Variants in GABRA2 observed in about 807,000 individuals in gnomAD.
GABRA2 encodes gamma-aminobutyric acid type A receptor subunit alpha2, also known as gamma-aminobutyric acid receptor subunit alpha-2.
A neutral mutation model predicts 48.7 loss-of-function variants in GABRA2; 16 were observed. The ratio of observed to expected loss-of-function variants is 0.33; its 90% CI spans 0.22 to 0.50. The LOEUF is 0.50. GABRA2 is among the 20% of genes least tolerant of loss of function. GABRA2 has a pLI of 0.98. For missense variants in GABRA2, 275 were observed against 535.6 expected (o/e 0.51, Z 4.80); for synonymous variants, 185 against 184.5 (o/e 1.00, Z -0.02).
At chr4:46,316,698 C>A (rs542329652) in intron 4 of GABRA2, among the ~76,000 whole-genome samples, 1 of 151,920 alleles carries the variant, frequency 6.6e-6, no homozygotes, top group East Asian at 1.9e-4. Context: ...ATGGTGCAAT[C>A]ACGAGGATTT....
chr4:46,328,350 T>C (rs2109790047), intron 4 of GABRA2, among the ~76,000 whole-genome samples: 1 of 151,824 alleles, frequency 6.6e-6, no homozygotes, highest in East Asian at 1.9e-4. Context: ...TAATTCTTTT[T>C]GCTATGCTGC....
At chr4:46,344,557 A>T (rs1733829749) in intron 3 of GABRA2, among the ~76,000 whole-genome samples, 1 of 151,942 alleles carries the variant, frequency 6.6e-6, no homozygotes, top group South Asian at 2.1e-4. Context: ...GGCAGAAGAT[A>T]GTTGAACATA....
rs1458325176 is a variant in GABRA2, at chr4:46,246,812, CAAAT to C, written c.*3492_*3495del. ...GGCATCAGGCATAGAATACATTAAA[CAAAT>C]TATTAATGGATGCCAAAGAACCATG... On this transcript the variant is annotated 3_prime_UTR_variant, in exon 10 of 10. Coordinates refer to ENST00000381620, the MANE Select transcript of GABRA2 (RefSeq NM_000807.4). 1.3e-5 allele frequency among the ~76,000 whole-genome samples: 2 copies of C among 151,078 alleles called. No homozygotes were observed. Among genetic ancestry groups the C allele is most frequent in the East Asian group, 3.9e-4 (2 of 5,112 alleles).
intron 4 of GABRA2, among the ~76,000 whole-genome samples, chr4:46,328,637 T>TTA (rs1221210850): frequency 1.3e-5 from 2 of 152,068 alleles, no homozygotes; most frequent in African/African-American, 2.4e-5. Context: ...ATTCTTTTTT[T>TTA]TATATATATA....
intron 8 of GABRA2, among the ~76,000 whole-genome samples, chr4:46,291,134 G>C (rs529012713): frequency 6.6e-6 from 1 of 152,178 alleles, no homozygotes; most frequent in Admixed American, 6.5e-5. Context: ...TCGATTTTTT[G>C]GAGGAGTTTG....
chr4:46,350,658 T>C (rs1371517927), intron 3 of GABRA2, among the ~76,000 whole-genome samples: 1 of 151,890 alleles, frequency 6.6e-6, no homozygotes, highest in Non-Finnish European at 1.5e-5. Flanking sequence ...GAGAGCTACA[T>C]GAAGACACTG....
intron 8 of GABRA2, among the ~76,000 whole-genome samples, chr4:46,276,741 C>T (rs913662642): frequency 1.3e-5 from 2 of 151,948 alleles, no homozygotes; most frequent in Non-Finnish European, 2.9e-5. Context: ...GATTTTAACA[C>T]CTGTGTGTCT....
chr4:46,295,354 A>G (rs1431385396), intron 8 of GABRA2, among the ~76,000 whole-genome samples: 1 of 152,234 alleles, frequency 6.6e-6, no homozygotes, highest in African/African-American at 2.4e-5. Flanking sequence ...TGATTGGAAA[A>G]TTGGTGACAA....
At chr4:46,282,612 A>T (rs903724514) in intron 8 of GABRA2, among the ~76,000 whole-genome samples, 2 of 152,172 alleles carry the variant, frequency 1.3e-5, no homozygotes, top group African/African-American at 4.8e-5. Context: ...AAGAAGCTGG[A>T]TTCCTGCCCA....
intron 4 of GABRA2, among the ~76,000 whole-genome samples, chr4:46,314,814 G>A (rs1728266744): frequency 6.6e-6 from 1 of 152,108 alleles, no homozygotes; most frequent in Non-Finnish European, 1.5e-5. Flanking sequence ...CAGAGCGCAA[G>A]ATTTTGTTCT....
intron 8 of GABRA2, among the ~76,000 whole-genome samples, chr4:46,266,623 T>G (rs1179548619): frequency 6.6e-6 from 1 of 151,584 alleles, no homozygotes; most frequent in African/African-American, 2.4e-5. Context: ...TCTTAGCGTT[T>G]ACTTTATTTC....
At chr4:46,384,230 T>C (rs1463393893) in intron 3 of GABRA2, among the ~76,000 whole-genome samples, 2 of 152,112 alleles carry the variant, frequency 1.3e-5, no homozygotes, top group East Asian at 3.9e-4. Flanking sequence ...CTGTTGGCAC[T>C]TGATCAAGAG....
intron 8 of GABRA2, among the ~76,000 whole-genome samples, chr4:46,295,915 T>C (rs1724552229): frequency 6.6e-6 from 1 of 152,206 alleles, no homozygotes; most frequent in Admixed American, 6.5e-5. Flanking sequence ...ATTATGGTAT[T>C]CCACACAGCA....
rs56201706 is a variant in GABRA2 at position 46,297,476 on chromosome 4, C to CATATATATATATATATAT, written c.856+5966_856+5983dup. Among the ~76,000 whole-genome samples, 317 of 87,756 alleles carry CATATATATATATATATAT rather than the reference C, an allele frequency of 3.6e-3. 10 individuals are homozygous for CATATATATATATATATAT. Among genetic ancestry groups the CATATATATATATATATAT allele is most frequent in the African/African-American group, 5.3e-3 (108 of 20,370 alleles). The allele number at this position is 87,756 out of a possible 152,430, so 57.6% of individuals were successfully genotyped here. A position where few individuals can be genotyped will look rare whatever the true frequency, so the allele number is the denominator to read the frequency against. ...GAGTTAATACTACTTAATAAAATCC[C>CATATATATATATATATAT]ATATATATATATATATATATATATA... On this transcript the variant is annotated intron_variant, in intron 8 of 9. Coordinates refer to ENST00000381620, the MANE Select transcript of GABRA2 (RefSeq NM_000807.4).
chr4:46,322,570 G>A (rs1480634356), intron 4 of GABRA2, among the ~76,000 whole-genome samples: 1 of 151,902 alleles, frequency 6.6e-6, no homozygotes, highest in Non-Finnish European at 1.5e-5. Flanking sequence ...AACCTCTGTT[G>A]ATCAGTCTTC....
intron 3 of GABRA2, among the ~76,000 whole-genome samples, chr4:46,376,925 C>A (rs1033605348): frequency 6.6e-6 from 1 of 152,052 alleles, no homozygotes; most frequent in Non-Finnish European, 1.5e-5. Flanking sequence ...TTGGTGGAGA[C>A]GGGGTTTCGC....
intron 3 of GABRA2, among the ~76,000 whole-genome samples, chr4:46,372,701 C>G (rs1560595651): frequency 1.3e-5 from 2 of 152,120 alleles, no homozygotes; most frequent in Admixed American, 1.3e-4. Flanking sequence ...TAATTTTATT[C>G]CAATGCTAAA....
At position 46,267,784 on chromosome 4, in the gene GABRA2, T is replaced by C. The variant is rs148507531; in HGVS notation, c.857-5656A>G. On this transcript the variant is annotated intron_variant, in intron 8 of 9. Transcript: ENST00000381620. ...TTAGCTATTTTTATTCTTCCTACTT[T>C]TGTTTTTATAACAGAATGACGATCC... 3.6e-4 allele frequency among the ~76,000 whole-genome samples: 55 copies of C among 152,206 alleles called. No individual in the cohort carries two copies. In the Middle Eastern group the frequency reaches 0.014, roughly 38 times the overall value.
intron 9 of GABRA2, among the ~76,000 whole-genome samples, chr4:46,259,296 A>G (rs1374819202): frequency 6.6e-6 from 1 of 151,786 alleles, no homozygotes; most frequent in East Asian, 1.9e-4. Flanking sequence ...GAAAGGCATA[A>G]CAATTCAGAG....
Sources: gnomAD v4.1 joint callset for allele counts (sites outside exome capture counted in the v4.1 genomes callset) on GRCh38, gnomAD v4.1.1 for gene constraint, MANE v1.5 for transcripts, NCBI Gene and HGNC (gene_info 2026-07-23, HGNC 2026-07-21) for gene names.